The following RAD54B variants were observed in gnomAD, a reference collection of about 807,000 sequenced individuals.
RAD54B encodes DNA repair and recombination protein RAD54B.
RAD54B carries 78 observed loss-of-function variants against 95.8 expected under a neutral mutation model. The observed-to-expected ratio is 0.81, with a 90% CI of 0.68 to 0.98. The LOEUF (loss-of-function observed/expected upper bound fraction) is 0.98. Among genes scored for constraint, RAD54B ranks in the 50% least tolerant of loss-of-function variants. The probability of loss-of-function intolerance (pLI) is 0.00; values close to 1 mark genes in which losing one functional copy is unlikely to be tolerated. For missense variants in RAD54B, 957 were observed against 1,056.6 expected (o/e 0.91, Z 1.31); for synonymous variants, 328 against 354.9 (o/e 0.92, Z 0.85).
intron 3 of RAD54B, chr8:94,436,617 C>T (rs1197455525): frequency 6.5e-7 from 1 of 1,550,344 alleles, no homozygotes; most frequent in African/African-American, 1.4e-5. Context: ...CTTTTTGCTG[C>T]AATAGCTCCT....
At chr8:94,422,170 A>G (rs907121233) in intron 3 of RAD54B, among the ~76,000 whole-genome samples, 2 of 152,186 alleles carry the variant, frequency 1.3e-5, no homozygotes, top group Non-Finnish European at 2.9e-5. Flanking sequence ...AGTAACTTAT[A>G]AAGTCCTGAG....
chr8:94,432,346 A>T, intron 3 of RAD54B: 1 of 1,550,362 alleles, frequency 6.5e-7, no homozygotes, highest in Non-Finnish European at 8.7e-7. Flanking sequence ...TCATACCCTA[A>T]TAGTGACCTA....
intron 2 of RAD54B, among the ~76,000 whole-genome samples, chr8:94,464,356 C>T (rs756636908): frequency 2.6e-5 from 4 of 152,072 alleles, no homozygotes; most frequent in Non-Finnish European, 5.9e-5. Context: ...ATGTGGTGAC[C>T]TGTAGAAGCT....
chr8:94,402,014 CG>C (rs1811277892), intron 6 of RAD54B, among the ~76,000 whole-genome samples: 1 of 152,070 alleles, frequency 6.6e-6, no homozygotes, highest in Non-Finnish European at 1.5e-5. Context: ...GAAGCTAGCA[CG>C]GCAGGTAGAA....
chr8:94,416,316 T>G (rs965914425), intron 3 of RAD54B, among the ~76,000 whole-genome samples: 1 of 151,180 alleles, frequency 6.6e-6, no homozygotes, highest in African/African-American at 2.4e-5. Flanking sequence ...AATTGAACAA[T>G]GAGAACACAT....
At chr8:94,468,177 T>C (rs1253243920) in intron 1 of RAD54B, among the ~76,000 whole-genome samples, 4 of 152,130 alleles carry the variant, frequency 2.6e-5, no homozygotes, top group African/African-American at 9.7e-5. Context: ...GCCAAATCAA[T>C]GATGCATTGA....
chr8:94,426,809 T>C (rs1459844027), intron 3 of RAD54B, among the ~76,000 whole-genome samples: 1 of 152,230 alleles, frequency 6.6e-6, no homozygotes, highest in African/African-American at 2.4e-5. Flanking sequence ...CCAAATGGTA[T>C]ATTTTAAATT....
At chr8:94,452,534 A>T (rs55745968) in intron 3 of RAD54B, among the ~76,000 whole-genome samples, 47,323 of 151,616 alleles carry the variant, frequency 0.31, 7,798 homozygotes, top group East Asian at 0.43. Context: ...TAGAGTCTGC[A>T]CTCACCCAGG....
chr8:94,384,208 G>A (rs1245091087), intron 11 of RAD54B, among the ~76,000 whole-genome samples: 2 of 115,856 alleles, frequency 1.7e-5, no homozygotes, highest in Non-Finnish European at 4.5e-5. Context: ...CATGTTCACA[G>A]CAACATTATT....
chr8:94,407,776 T>C, intron 4 of RAD54B, 56 bp from the exon 5 acceptor site: 1 of 1,454,040 alleles, frequency 6.9e-7, no homozygotes, highest in Non-Finnish European at 9.3e-7. Flanking sequence ...ACGGTCACCT[T>C]CCCGTAACTG....
chr8:94,455,407 G>C (rs1812757338), intron 3 of RAD54B, among the ~76,000 whole-genome samples: 1 of 152,144 alleles, frequency 6.6e-6, no homozygotes, highest in Admixed American at 6.6e-5. Flanking sequence ...CTTAACAAGA[G>C]AACATTCCTG....
intron 14 of RAD54B, among the ~76,000 whole-genome samples, chr8:94,373,714 C>CT (rs2129934739): frequency 6.6e-6 from 1 of 152,218 alleles, no homozygotes; most frequent in East Asian, 1.9e-4. Context: ...ACTGCCCTGA[C>CT]TAACTTATCA....
At chr8:94,401,207 A>T (rs1333215627) in intron 6 of RAD54B, among the ~76,000 whole-genome samples, 1 of 152,158 alleles carries the variant, frequency 6.6e-6, no homozygotes, top group African/African-American at 2.4e-5. Flanking sequence ...TGAACTGTGA[A>T]AGTCCACTTA....
intron 2 of RAD54B, among the ~76,000 whole-genome samples, chr8:94,463,737 T>C: frequency 6.6e-6 from 1 of 151,764 alleles, no homozygotes; most frequent in Non-Finnish European, 1.5e-5. Flanking sequence ...AATTAGCCTA[T>C]AAAATTTAAA....
chr8:94,437,009 T>C, intron 3 of RAD54B: 2 of 1,382,990 alleles, frequency 1.4e-6, no homozygotes, highest in Non-Finnish European at 1.9e-6. Context: ...GAGGGTTTAT[T>C]AAAATTCCTC....
chr8:94,427,854 AAAG>A, intron 3 of RAD54B: 1 of 961,198 alleles, frequency 1.0e-6, no homozygotes, highest in Non-Finnish European at 1.2e-6. Context: ...CATTACTCCA[AAAG>A]AAGGCACATG....
At chr8:94,433,701 TG>T (rs1014982191) in intron 3 of RAD54B, among the ~76,000 whole-genome samples, 3 of 152,024 alleles carry the variant, frequency 2.0e-5, no homozygotes, top group African/African-American at 7.2e-5. Context: ...TCCTTGAGGT[TG>T]TTTTTTTTAA....
chr8:94,451,212 G>A (rs186884862), intron 3 of RAD54B, among the ~76,000 whole-genome samples: 17 of 152,126 alleles, frequency 1.1e-4, no homozygotes, highest in African/African-American at 2.2e-4. Flanking sequence ...TTATTGTGCC[G>A]GAAGCACAAA....
chr8:94,469,843 T>C (rs555747260), intron 1 of RAD54B, among the ~76,000 whole-genome samples: 1 of 152,346 alleles, frequency 6.6e-6, no homozygotes, highest in African/African-American at 2.4e-5. Flanking sequence ...ACTATCCTAC[T>C]TCATTTGAAA....
Sources: allele counts gnomAD v4.1 joint callset (sites outside exome capture counted in the v4.1 genomes callset), GRCh38; gene constraint gnomAD v4.1.1; transcripts MANE v1.5; gene names NCBI Gene and HGNC (gene_info 2026-07-23, HGNC 2026-07-21).